Variants in HECW1 observed in about 807,000 individuals in gnomAD.
The protein encoded by HECW1 is E3 ubiquitin-protein ligase HECW1.
In HECW1, 61 loss-of-function variants were observed where a neutral mutation model predicts 182.3. The observed-to-expected ratio is 0.33, with a 90% CI of 0.27 to 0.41. HECW1 has a LOEUF of 0.41. Ranked by LOEUF, HECW1 falls within the 10% of genes least tolerant of loss-of-function variation. The pLI, the probability that HECW1 is intolerant of heterozygous loss-of-function variation, is 1.00. For missense variants in HECW1, 1,739 were observed against 2,108.9 expected, an observed-to-expected ratio of 0.82 and a Z score of 3.44; for synonymous variants, 859 against 832.6, an observed-to-expected ratio of 1.03 and a Z score of -0.55.
At chr7:43,431,761 T>C (rs974015683) in intron 8 of HECW1, among the ~76,000 whole-genome samples, 3 of 152,136 alleles carry the variant, frequency 2.0e-5, no homozygotes, top group African/African-American at 7.2e-5. Flanking sequence ...GACCCAGAGG[T>C]AGTAAGCCAC....
intron 16 of HECW1, among the ~76,000 whole-genome samples, chr7:43,472,990 C>A (rs1001233609): frequency 6.6e-6 from 1 of 152,182 alleles, no homozygotes; most frequent in Non-Finnish European, 1.5e-5. Flanking sequence ...GGAATTTAAT[C>A]CCCACTGTGG....
At chr7:43,269,822 C>T (rs1489880967) in intron 3 of HECW1, among the ~76,000 whole-genome samples, 3 of 152,158 alleles carry the variant, frequency 2.0e-5, no homozygotes, top group Non-Finnish European at 4.4e-5. Flanking sequence ...TTGGCAATGT[C>T]TGGAGGCATT....
chr7:43,342,719 A>G (rs1299337934), intron 5 of HECW1, among the ~76,000 whole-genome samples: 1 of 151,756 alleles, frequency 6.6e-6, no homozygotes, highest in Non-Finnish European at 1.5e-5. Flanking sequence ...TAAGTTCATT[A>G]TTCTTAAGAA....
chr7:43,198,770 C>T (rs1326308267), intron 2 of HECW1, among the ~76,000 whole-genome samples: 9 of 127,222 alleles, frequency 7.1e-5, no homozygotes, highest in Admixed American at 6.8e-4. Flanking sequence ...TGCACACTCT[C>T]TCACACACAC....
At chr7:43,130,278 C>T (rs1041868627) in intron 2 of HECW1, among the ~76,000 whole-genome samples, 13 of 152,120 alleles carry the variant, frequency 8.5e-5, no homozygotes, top group African/African-American at 3.1e-4. Flanking sequence ...GAAATAGTTG[C>T]ATATACACAA....
chr7:43,357,806 T>A (rs1299323348), intron 5 of HECW1, among the ~76,000 whole-genome samples: 2 of 152,126 alleles, frequency 1.3e-5, no homozygotes, highest in African/African-American at 2.4e-5. Flanking sequence ...ATGATGTATA[T>A]CCCAATTACA....
intron 13 of HECW1, among the ~76,000 whole-genome samples, chr7:43,460,535 CGCGT>C (rs998546818): frequency 6.6e-6 from 1 of 151,480 alleles, no homozygotes; most frequent in African/African-American, 2.4e-5. Flanking sequence ...TGTGTGTGCG[CGCGT>C]GCGTGTGTGT....
intron 2 of HECW1, among the ~76,000 whole-genome samples, chr7:43,237,051 T>G (rs1584109165): frequency 1.5e-5 from 2 of 129,318 alleles, no homozygotes; most frequent in East Asian, 2.2e-4. Flanking sequence ...AAAGGTAAAG[T>G]GAAAACTAGG....
Position 43,148,588 on chromosome 7 carries a change from G to A in HECW1, c.-32+34197G>A, listed in dbSNP as rs534121688. ...GTAGCTTGCTAGGTAAACAGTGTTG[G>A]ATACTTAAATTTGGGTCTGAGTCCA... On this transcript the variant is annotated intron_variant, in intron 2 of 29. Transcript: ENST00000395891. 6.6e-5 allele frequency: 10 copies of A among 152,004 alleles called. No individual in the cohort carries two copies. The South Asian group carries it at 1.7e-3, about 25-fold the overall frequency. The allele number at this position is 152,004 out of a possible 1,614,324, so 9.4% of individuals were successfully genotyped here. A position where few individuals can be genotyped will look rare whatever the true frequency, so the allele number is the denominator to read the frequency against.
intron 2 of HECW1, among the ~76,000 whole-genome samples, chr7:43,235,681 C>G (rs1798264614): frequency 6.6e-6 from 1 of 152,176 alleles, no homozygotes; most frequent in African/African-American, 2.4e-5. Flanking sequence ...TTTAATCCCA[C>G]TAACAAGATA....
chr7:43,532,583 T>C (rs1313469630), intron 24 of HECW1, among the ~76,000 whole-genome samples: 2 of 152,088 alleles, frequency 1.3e-5, no homozygotes, highest in South Asian at 2.1e-4. Flanking sequence ...ACTGGCCTCT[T>C]TGCATTGCTC....
intron 24 of HECW1, among the ~76,000 whole-genome samples, chr7:43,523,649 AAAAG>A (rs1283591540): frequency 2.0e-5 from 3 of 152,174 alleles, no homozygotes; most frequent in Non-Finnish European, 4.4e-5. Flanking sequence ...CGAAAAAAAG[AAAAG>A]AGTCAGCCCC....
intron 7 of HECW1, among the ~76,000 whole-genome samples, chr7:43,405,278 T>G (rs1485950896): frequency 6.6e-6 from 1 of 152,196 alleles, no homozygotes; most frequent in Non-Finnish European, 1.5e-5. Flanking sequence ...TTTCACACTC[T>G]AATAAGTCAG....
chr7:43,226,049 A>G (rs1026476054), intron 2 of HECW1, among the ~76,000 whole-genome samples: 4 of 152,174 alleles, frequency 2.6e-5, no homozygotes, highest in Non-Finnish European at 5.9e-5. Flanking sequence ...CTGGGATTAT[A>G]GGTGTCACCA....
At chr7:43,509,817 G>A (rs909912843) in intron 24 of HECW1, 5 of 152,270 alleles carry the variant, frequency 3.3e-5, no homozygotes. Context: ...AGCTCCTGCT[G>A]TTGAGAGGGA....
rs993655039 is a variant in HECW1, at chr7:43,500,087, A to G, written c.3438-612A>G. 4.6e-5 allele frequency among the ~76,000 whole-genome samples: 7 copies of G among 150,944 alleles called. No homozygotes were observed. In the South Asian group the frequency reaches 1.0e-3, roughly 23 times the overall value. On this transcript the variant is annotated intron_variant, in intron 19 of 29. Transcript: ENST00000395891. ...TTCCTCCCATGGCTTCCAACACGAC[A>G]TGAGCCAAGAACAGTCTTTTTTTTT...
At chr7:43,279,095 T>G (rs1378402184) in intron 3 of HECW1, among the ~76,000 whole-genome samples, 2 of 152,182 alleles carry the variant, frequency 1.3e-5, no homozygotes, top group Non-Finnish European at 2.9e-5. Context: ...TGGGTTAGAT[T>G]ATATTTCCTA....
At chr7:43,237,613 G>C (rs1798496067) in intron 2 of HECW1, among the ~76,000 whole-genome samples, 1 of 152,196 alleles carries the variant, frequency 6.6e-6, no homozygotes, top group African/African-American at 2.4e-5. Context: ...GATCAAATGG[G>C]TTAATATGTG....
chr7:43,230,895 AAAT>A (rs1797826733), intron 2 of HECW1, among the ~76,000 whole-genome samples: 2 of 91,610 alleles, frequency 2.2e-5, no homozygotes, highest in Non-Finnish European at 5.6e-5. Context: ...TAAAAAAAAT[AAAT>A]TAAAGCAGAA....
Sources: allele counts gnomAD v4.1 joint callset (sites outside exome capture counted in the v4.1 genomes callset), GRCh38; gene constraint gnomAD v4.1.1; transcripts MANE v1.5; gene names NCBI Gene and HGNC (gene_info 2026-07-23, HGNC 2026-07-21).